DIAPH3: variants seen among roughly 807,000 people sequenced by gnomAD.
DIAPH3 encodes protein diaphanous homolog 3.
Under a neutral mutation model 144.3 loss-of-function variants are expected in DIAPH3, and 117 were observed. The ratio of observed to expected loss-of-function variants is 0.81; its 90% CI spans 0.70 to 0.95. DIAPH3 has a LOEUF of 0.95. DIAPH3 is among the 40% of genes least tolerant of loss of function. The probability of loss-of-function intolerance (pLI) is 0.00; values close to 1 mark genes in which losing one functional copy is unlikely to be tolerated. For synonymous variants in DIAPH3, 519 were observed against 488.9 expected, an observed-to-expected ratio of 1.06 and a Z score of -0.81; for missense variants, 1,421 against 1,412.7, an observed-to-expected ratio of 1.01 and a Z score of -0.09.
intron 21 of DIAPH3, 91 bp downstream of exon 21, chr13:59,879,138 A>G: frequency 6.4e-7 from 1 of 1,561,254 alleles, no homozygotes. Flanking sequence ...TGAGCACATC[A>G]AAATAAAAAA....
intron 21 of DIAPH3, among the ~76,000 whole-genome samples, chr13:59,868,343 A>G (rs1566439538): frequency 6.6e-6 from 1 of 152,190 alleles, no homozygotes. Flanking sequence ...GATTGTTTAT[A>G]CAAATGGACC....
At chr13:60,065,007 T>C (rs2056900725) in intron 4 of DIAPH3, among the ~76,000 whole-genome samples, 1 of 152,246 alleles carries the variant, frequency 6.6e-6, no homozygotes, top group African/African-American at 2.4e-5. Context: ...ACAACACTTA[T>C]TAACTTCACT....
intron 4 of DIAPH3, among the ~76,000 whole-genome samples, chr13:60,058,209 C>A (rs949635925): frequency 7.9e-5 from 12 of 151,240 alleles, no homozygotes; most frequent in Admixed American, 2.6e-4. Flanking sequence ...CAGATAATTC[C>A]TTTAAAAAGT....
intron 27 of DIAPH3, among the ~76,000 whole-genome samples, chr13:59,746,310 G>A (rs2036700484): frequency 6.6e-6 from 1 of 152,024 alleles, no homozygotes; most frequent in Admixed American, 6.6e-5. Flanking sequence ...TGCAACCTCT[G>A]CCTCCCAGGT....
At chr13:59,720,812 C>G (rs1039053412) in intron 27 of DIAPH3, among the ~76,000 whole-genome samples, 1 of 152,128 alleles carries the variant, frequency 6.6e-6, no homozygotes, top group African/African-American at 2.4e-5. Flanking sequence ...AGTAAGCAAA[C>G]ATTATAAGTC....
chr13:59,716,445 G>A (rs945156185), intron 27 of DIAPH3, among the ~76,000 whole-genome samples: 1 of 152,122 alleles, frequency 6.6e-6, no homozygotes, highest in Non-Finnish European at 1.5e-5. Flanking sequence ...AAAGTGCTGG[G>A]ATTACAGGCA....
chr13:60,064,338 CTA>C (rs1217064153), intron 4 of DIAPH3, among the ~76,000 whole-genome samples: 1 of 152,218 alleles, frequency 6.6e-6, no homozygotes, highest in Non-Finnish European at 1.5e-5. Context: ...GCTTTTTCAT[CTA>C]TATTGAAAAT....
intron 27 of DIAPH3, among the ~76,000 whole-genome samples, chr13:59,718,139 C>T (rs573405437): frequency 6.6e-6 from 1 of 152,196 alleles, no homozygotes; most frequent in South Asian, 2.1e-4. Context: ...TGAGGAAAAA[C>T]AGTCTTAAAG....
intron 23 of DIAPH3, among the ~76,000 whole-genome samples, chr13:59,837,228 G>A (rs1271263903): frequency 6.6e-6 from 1 of 152,016 alleles, no homozygotes; most frequent in African/African-American, 2.4e-5. Context: ...ATGACAGGAT[G>A]TAGTAGCTTT....
At chr13:60,106,682 A>G (rs1344578809) in intron 3 of DIAPH3, among the ~76,000 whole-genome samples, 1 of 152,178 alleles carries the variant, frequency 6.6e-6, no homozygotes, top group Admixed American at 6.5e-5. Context: ...AATATGAAAA[A>G]GACGGAAATC....
At chr13:59,742,808 T>TGGTCAGGGCGACTGACCA (rs2036529403) in intron 27 of DIAPH3, among the ~76,000 whole-genome samples, 1 of 152,200 alleles carries the variant, frequency 6.6e-6, no homozygotes, top group Non-Finnish European at 1.5e-5. Context: ...TGTTGATATT[T>TGGTCAGGGCGACTGACCA]AAGTAGCTTT....
intron 27 of DIAPH3, among the ~76,000 whole-genome samples, chr13:59,688,751 A>G (rs1448487664): frequency 1.3e-5 from 2 of 152,086 alleles, no homozygotes; most frequent in Non-Finnish European, 2.9e-5. Context: ...ATAGGATTAG[A>G]TACATCAGAA....
intron 3 of DIAPH3, among the ~76,000 whole-genome samples, chr13:60,110,692 T>C (rs539953011): frequency 6.6e-6 from 1 of 152,294 alleles, no homozygotes; most frequent in African/African-American, 2.4e-5. Flanking sequence ...AGGCAACAAT[T>C]TCATTTTATT....
At chr13:60,088,819 A>T (rs960010636) in intron 4 of DIAPH3, among the ~76,000 whole-genome samples, 1 of 152,096 alleles carries the variant, frequency 6.6e-6, no homozygotes, top group Non-Finnish European at 1.5e-5. Context: ...ACAGGGTTTC[A>T]CCATGTTAGC....
At chr13:60,015,189 T>A (rs117920993) in intron 7 of DIAPH3, among the ~76,000 whole-genome samples, 30 of 152,164 alleles carry the variant, frequency 2.0e-4, no homozygotes, top group Middle Eastern at 3.4e-3. Context: ...AGAGATGGCG[T>A]CTCACTATGT....
intron 27 of DIAPH3, among the ~76,000 whole-genome samples, chr13:59,680,285 A>G (rs577461446): frequency 2.6e-5 from 4 of 151,740 alleles, no homozygotes; most frequent in African/African-American, 9.8e-5. Context: ...ATGCAAGCCT[A>G]TGACGTGTTG....
intron 1 of DIAPH3, among the ~76,000 whole-genome samples, chr13:60,148,921 T>C (rs577457861): frequency 6.6e-6 from 1 of 152,326 alleles, no homozygotes; most frequent in East Asian, 1.9e-4. Flanking sequence ...TATAAACCTC[T>C]TGAAATCAAG....
intron 4 of DIAPH3, among the ~76,000 whole-genome samples, chr13:60,076,684 A>G (rs1394626274): frequency 6.6e-6 from 1 of 152,072 alleles, no homozygotes; most frequent in Admixed American, 6.6e-5. Flanking sequence ...TTTCTGCAAC[A>G]ATGAATCACT....
intron 24 of DIAPH3, among the ~76,000 whole-genome samples, chr13:59,819,619 G>GCAAA (rs1298704723): frequency 2.0e-5 from 3 of 151,640 alleles, no homozygotes; most frequent in South Asian, 2.1e-4. Flanking sequence ...CCCAAAGGTT[G>GCAAA]CAAACAAACA....
Sources: allele counts gnomAD v4.1 joint callset (sites outside exome capture counted in the v4.1 genomes callset), GRCh38; gene constraint gnomAD v4.1.1; transcripts MANE v1.5; gene names NCBI Gene and HGNC (gene_info 2026-07-23, HGNC 2026-07-21).